Variants in NCAPG observed in about 807,000 individuals in gnomAD.
The protein encoded by NCAPG is condensin complex subunit 3.
Under a neutral mutation model 113.1 loss-of-function variants are expected in NCAPG, and 69 were observed. That is an observed-to-expected ratio of 0.61 (90% CI 0.50 to 0.75). The LOEUF (loss-of-function observed/expected upper bound fraction) is 0.75. NCAPG is among the 30% of genes least tolerant of loss of function. The pLI is 0.00. For synonymous variants in NCAPG, 370 were observed against 415.8 expected (o/e 0.89, Z 1.34); for missense variants, 1,058 against 1,177.0 (o/e 0.90, Z 1.48).
intron 3 of NCAPG, among the ~76,000 whole-genome samples, chr4:17,814,380 ACAT>A (rs1721110460): frequency 6.6e-6 from 1 of 152,194 alleles, no homozygotes; most frequent in Non-Finnish European, 1.5e-5. Flanking sequence ...AACCTGGGCA[ACAT>A]AGTGAGACCT....
At chr4:17,840,294 A>G (rs1368797726) in intron 18 of NCAPG, 85 bp downstream of exon 18, 1 of 1,365,572 alleles carries the variant, frequency 7.3e-7, no homozygotes, top group South Asian at 1.9e-5. Flanking sequence ...CTACTCTAAC[A>G]TGTTTGGTTG....
Position 17,828,313 on chromosome 4 carries a change from A to G in NCAPG, c.1689A>G (p.Leu563=), listed in dbSNP as rs1348035848. Reference sequence around the variant, plus strand: ...AAACATTGCAGAAATGTCTTATTTTATGCTATGAACTGTTGAAGCAGATGT... The same window carrying G: ...AAACATTGCAGAAATGTCTTATTTTGTGCTATGAACTGTTGAAGCAGATGT... ...DAETLQKCLI[L]CYELLKQMSI... Residue 563 remains leucine (L), a synonymous_variant, in exon 12 of 21, where the codon TTA becomes TTG. Transcript: ENST00000251496. 1.9e-6 allele frequency: 3 copies of G among 1,610,746 alleles called. No individual in the cohort carries two copies. The highest frequency in any genetic ancestry group is 3.4e-5 in the Admixed American group (2 of 59,604).
At chr4:17,834,999 G>C (rs1164396890) in intron 14 of NCAPG, among the ~76,000 whole-genome samples, 2 of 152,142 alleles carry the variant, frequency 1.3e-5, no homozygotes, top group Admixed American at 1.3e-4. Flanking sequence ...TTGTGATATA[G>C]AGACTCTAAG....
At chr4:17,822,926 C>A in intron 7 of NCAPG, 57 bp from the exon 8 acceptor site, 1 of 1,421,168 alleles carries the variant, frequency 7.0e-7, no homozygotes, top group Non-Finnish European at 9.5e-7. Flanking sequence ...TGGTGGGAAT[C>A]AACTCTTGTT....
At chr4:17,815,681 T>A (rs1271946856) in intron 5 of NCAPG, among the ~76,000 whole-genome samples, 1 of 152,110 alleles carries the variant, frequency 6.6e-6, no homozygotes, top group Non-Finnish European at 1.5e-5. Flanking sequence ...AACATCACCA[T>A]GTCTGGTTAA....
At chr4:17,837,098 A>G in intron 14 of NCAPG, 61 bp from the exon 15 acceptor site, 2 of 1,479,556 alleles carry the variant, frequency 1.4e-6, no homozygotes, top group Admixed American at 3.6e-5. Context: ...GACAGGCTAC[A>G]TTGAGAGGCT....
intron 7 of NCAPG, among the ~76,000 whole-genome samples, chr4:17,819,173 A>G (rs1721344988): frequency 6.6e-6 from 1 of 152,138 alleles, no homozygotes; most frequent in African/African-American, 2.4e-5. Flanking sequence ...TTAACAGCAT[A>G]TCATTCCGTA....
chr4:17,832,593 T>C (rs1303441135), intron 13 of NCAPG, among the ~76,000 whole-genome samples: 1 of 152,156 alleles, frequency 6.6e-6, no homozygotes, highest in Non-Finnish European at 1.5e-5. Context: ...CATTTATATA[T>C]GAGTTTGGAG....
intron 4 of NCAPG, 53 bp from the exon 5 acceptor site, chr4:17,815,221 A>G: frequency 2.1e-6 from 3 of 1,461,490 alleles, no homozygotes; most frequent in Non-Finnish European, 2.8e-6. Context: ...TATTCTTATG[A>G]AATCTATAAA....
chr4:17,843,336 A>C lies in NCAPG; in HGVS notation c.2959A>C (p.Lys987Gln). The stretch of plus-strand genomic sequence containing the variant: ...AGTTCCAGAACCAGAATCAGAAATG[A>C]AGATGAGACTACCAAGACGAGCCAA... The part of the protein sequence containing the change: ...HEVPEPESEM[K>Q]MRLPRRAKTA... Residue 987 changes from lysine (K) to glutamine (Q), a missense_variant, in exon 21 of 21, where the codon AAG becomes CAG. Coordinates refer to ENST00000251496, the MANE Select transcript of NCAPG (RefSeq NM_022346.5). The C allele has an allele frequency of 6.2e-7, 1 of 1,612,052 alleles. No homozygotes were observed. The highest frequency in any genetic ancestry group is 8.5e-7 in the Non-Finnish European group (1 of 1,178,350).
At chr4:17,838,065 A>T (rs541486900) in intron 16 of NCAPG, among the ~76,000 whole-genome samples, 1 of 152,228 alleles carries the variant, frequency 6.6e-6, no homozygotes, top group Non-Finnish European at 1.5e-5. Flanking sequence ...ACTGACTGTT[A>T]ATCTGAAGTA....
chr4:17,840,787 C>T, intron 19 of NCAPG, 94 bp downstream of exon 19: 1 of 715,218 alleles, frequency 1.4e-6, no homozygotes. Context: ...ATCTTTGTTT[C>T]CTTAGGGATA....
intron 14 of NCAPG, among the ~76,000 whole-genome samples, chr4:17,836,629 T>G (rs2109063323): frequency 6.6e-6 from 1 of 152,316 alleles, no homozygotes; most frequent in South Asian, 2.1e-4. Context: ...AGGTCCAGCT[T>G]CATTGTTTTG....
Position 17,811,135 on chromosome 4 carries a change from C to T in NCAPG, c.58C>T (p.Pro20Ser). 1 of 1,521,284 alleles carries T rather than the reference C, an allele frequency of 6.6e-7. No homozygotes were observed. The highest frequency in any genetic ancestry group is 1.2e-5 in the South Asian group (1 of 81,200). The allele number at this position is 1,521,284 out of a possible 1,614,324, so 94.2% of individuals were successfully genotyped here. ...IKEAFRLAQQPHQNQAKLVVA... is the reference protein window; with the variant it reads ...IKEAFRLAQQSHQNQAKLVVA... ...GGAGGCCTTTCGGCTGGCGCAGCAGCCGCACCAGAACCAGGCGAAGCTGGT... is the reference window on the plus strand; with the variant it reads ...GGAGGCCTTTCGGCTGGCGCAGCAGTCGCACCAGAACCAGGCGAAGCTGGT... Residue 20 changes from proline to serine, a missense_variant, in exon 1 of 21, where the codon CCG (proline) becomes TCG (serine). Physicochemically the swap from Pro to Ser is moderately conservative, Grantham distance 74 (BLOSUM62 -1). Transcript: ENST00000251496. The surrounding 1 kb of genome is among the most constrained non-coding windows in gnomAD (Gnocchi z 5.3).
chr4:17,825,056 A>G lies in NCAPG; in HGVS notation c.1472A>G (p.Lys491Arg). The G allele has an allele frequency of 6.2e-7, 1 of 1,609,258 alleles. No homozygotes were observed. Among genetic ancestry groups the G allele is most frequent in the Non-Finnish European group, 8.5e-7 (1 of 1,176,780 alleles). The change falls in exon 10 of 21, where the codon AAG becomes AGG. Residue 491 changes from lysine to arginine, a missense_variant and splice_region_variant. Lys to Arg is a conservative substitution (Grantham distance 26). Coordinates refer to ENST00000251496, the MANE Select transcript of NCAPG (RefSeq NM_022346.5). Reference sequence around the variant, plus strand: ...GCTGATGTAAGAAAGAAAGAACTCAAGGTAAGTCTCTTTTAAATGAAAGAA... The same window carrying G: ...GCTGATGTAAGAAAGAAAGAACTCAGGGTAAGTCTCTTTTAAATGAAAGAA... ...DPADVRKKEL[K>R]MAEIKVKLIE...
rs755883669 is a variant in NCAPG, at chr4:17,828,364, C to T, written c.1740C>T (p.Thr580=). The stretch of plus-strand genomic sequence containing the variant: ...CCATTTCAACAGGCTTAAGTGCAAC[C>T]ATGAATGGAATCATCGAATCTTTGG... ...QMSISTGLSA[T]MNGIIESLIL... The change falls in exon 12 of 21, where the codon ACC becomes ACT. Residue 580 remains threonine, a synonymous_variant. Coordinates refer to ENST00000251496, the MANE Select transcript of NCAPG (RefSeq NM_022346.5). 1 of 1,605,700 alleles carries T rather than the reference C, an allele frequency of 6.2e-7. No individual in the cohort carries two copies. Among genetic ancestry groups the T allele is most frequent in the Non-Finnish European group, 8.5e-7 (1 of 1,175,056 alleles).
At chr4:17,821,513 G>A (rs1321559351) in intron 7 of NCAPG, among the ~76,000 whole-genome samples, 1 of 146,190 alleles carries the variant, frequency 6.8e-6, no homozygotes, top group African/African-American at 2.5e-5. Context: ...GCCCAGGCTG[G>A]AGTGCAGTAG....
At chr4:17,816,097 C>T (rs1721197397) in intron 5 of NCAPG, among the ~76,000 whole-genome samples, 2 of 151,358 alleles carry the variant, frequency 1.3e-5, no homozygotes, top group Non-Finnish European at 2.9e-5. Flanking sequence ...TAGAGTTCCC[C>T]AACATTTTTG....
chr4:17,835,732 C>T (rs891211596), intron 14 of NCAPG, among the ~76,000 whole-genome samples: 12 of 152,242 alleles, frequency 7.9e-5, no homozygotes, highest in African/African-American at 2.9e-4. Flanking sequence ...AGTATGTGAC[C>T]TCTGTTTAGC....
Sources: allele counts gnomAD v4.1 joint callset (sites outside exome capture counted in the v4.1 genomes callset), GRCh38; gene constraint gnomAD v4.1.1; non-coding constraint Gnocchi (gnomAD v3.1); transcripts MANE v1.5; gene names NCBI Gene and HGNC (gene_info 2026-07-23, HGNC 2026-07-21).